Variants in PDE4D observed in about 807,000 individuals in gnomAD.
The protein encoded by PDE4D is 3',5'-cyclic-AMP phosphodiesterase 4D.
A neutral mutation model predicts 87.4 loss-of-function variants in PDE4D; 24 were observed. That is an observed-to-expected ratio of 0.27 (90% confidence interval 0.20 to 0.39). The LOEUF is 0.39. PDE4D is among the 10% of genes least tolerant of loss of function. The probability of loss-of-function intolerance (pLI) is 1.00; values close to 1 mark genes in which losing one functional copy is unlikely to be tolerated. For synonymous variants in PDE4D, 384 were observed against 383.2 expected (o/e 1.00, Z -0.02); for missense variants, 714 against 1,041.0 (o/e 0.69, Z 4.32).
At chr5:60,352,032 T>G (rs1453201236) in intron 1 of PDE4D, among the ~76,000 whole-genome samples, 1 of 151,184 alleles carries the variant, frequency 6.6e-6, no homozygotes, top group African/African-American at 2.4e-5. Flanking sequence ...TTCAAACTCC[T>G]GGCCTCAAGT....
chr5:60,401,253 T>C (rs1485444101), intron 1 of PDE4D, among the ~76,000 whole-genome samples: 1 of 152,228 alleles, frequency 6.6e-6, no homozygotes, highest in Non-Finnish European at 1.5e-5. Context: ...GCCGGCTTCA[T>C]GCTCCATACA....
rs559341018 is a variant in PDE4D at position 59,706,746 on chromosome 5, G to C, written c.455+186422C>G. ...GGTGGAGCTAGTGGTAGGGTAGAAA[G>C]AACATAAAATTGACTATAAGGAAAT... On this transcript the variant is annotated intron_variant, in intron 1 of 14. Transcript: ENST00000340635. 2.6e-5 allele frequency among the ~76,000 whole-genome samples: 4 copies of C among 152,188 alleles called. No individual in the cohort carries two copies. The South Asian group carries it at 8.3e-4, about 32-fold the overall frequency.
rs189704065 is a variant in PDE4D at position 60,500,291 on chromosome 5, G to A, written n.70+21760C>T. The stretch of plus-strand genomic sequence containing the variant: ...CCACTGCATCCCAGACTGGGTGACA[G>A]AGACCCAGTCTCAAAAAAATAAAAA... On this transcript the variant is annotated intron_variant and non_coding_transcript_variant, in intron 1 of 2. Coordinates refer to the PDE4D transcript ENST00000506510. 5.4e-3 allele frequency among the ~76,000 whole-genome samples: 816 copies of A among 152,226 alleles called. 11 individuals carry two copies. The highest frequency in any genetic ancestry group is 0.022 in the South Asian group (105 of 4,830).
intron 1 of PDE4D, among the ~76,000 whole-genome samples, chr5:60,503,493 T>C (rs1750189264): frequency 6.6e-6 from 1 of 152,196 alleles, no homozygotes. Context: ...CTACATTCCT[T>C]TGGTATTCCT....
At chr5:59,901,615 T>C (rs1047424173) in intron 3 of PDE4D, among the ~76,000 whole-genome samples, 1 of 151,636 alleles carries the variant, frequency 6.6e-6, no homozygotes, top group Admixed American at 6.6e-5. Flanking sequence ...TCAAAATACA[T>C]GAAAAGGCAC....
chr5:59,062,944 G>A (rs1763370624), intron 5 of PDE4D: 1 of 152,006 alleles, frequency 6.6e-6, no homozygotes, highest in Non-Finnish European at 1.5e-5. Context: ...GTACGTGAGT[G>A]GGAAATTCAG....
intron 1 of PDE4D, among the ~76,000 whole-genome samples, chr5:59,579,283 G>T (rs1172445139): frequency 2.0e-5 from 3 of 152,056 alleles, no homozygotes; most frequent in South Asian, 2.1e-4. Context: ...TCCAAGGCAG[G>T]ACTCTTATTA....
rs1468929000 is a variant in PDE4D at position 59,916,273 on chromosome 5, T to A, written c.272+72215A>T. On this transcript the variant is annotated intron_variant, in intron 3 of 16. Transcript: ENST00000502484. ...AAGCTCACATGTCATCAGGAAATACTAATTAGCATTTTCTATAACAACAAA... is the reference window on the plus strand; with the variant it reads ...AAGCTCACATGTCATCAGGAAATACAAATTAGCATTTTCTATAACAACAAA... 2.6e-5 allele frequency among the ~76,000 whole-genome samples: 4 copies of A among 152,366 alleles called. No homozygotes were observed. In the East Asian group the frequency reaches 7.7e-4, roughly 29 times the overall value.
intron 1 of PDE4D, among the ~76,000 whole-genome samples, chr5:59,433,030 T>G (rs1335315217): frequency 6.6e-6 from 1 of 152,130 alleles, no homozygotes; most frequent in Non-Finnish European, 1.5e-5. Context: ...AATTGTGATG[T>G]ATGACTGGGG....
chr5:59,668,821 AGAAGAAGAAGAG>A (rs1561440826), intron 1 of PDE4D, among the ~76,000 whole-genome samples: 1 of 93,942 alleles, frequency 1.1e-5, no homozygotes, highest in East Asian at 3.3e-4. Context: ...AAGAAGAAGA[AGAAGAAGAAGAG>A]GAAGAGGAAG....
chr5:59,100,950 G>C (rs766698381), intron 5 of PDE4D, among the ~76,000 whole-genome samples: 1 of 152,086 alleles, frequency 6.6e-6, no homozygotes, highest in Non-Finnish European at 1.5e-5. Context: ...CAGGTGTAGA[G>C]AGGACGGCAA....
intron 5 of PDE4D, among the ~76,000 whole-genome samples, chr5:59,168,698 G>A (rs1003992287): frequency 1.3e-5 from 2 of 152,146 alleles, no homozygotes. Context: ...GAGAGGGAGG[G>A]AAGGAGAGAG....
intron 1 of PDE4D, among the ~76,000 whole-genome samples, chr5:59,442,428 AG>A (rs1411979529): frequency 3.3e-5 from 5 of 152,192 alleles, no homozygotes; most frequent in Non-Finnish European, 5.9e-5. Flanking sequence ...TTGCAACATC[AG>A]GGTCTTTGAG....
Position 59,747,269 on chromosome 5 carries a change from T to C in PDE4D, c.455+145899A>G, listed in dbSNP as rs1415436911. Among the ~76,000 whole-genome samples the C allele has an allele frequency of 3.3e-5, 5 of 152,192 alleles. No homozygotes were observed. In the East Asian group the frequency reaches 7.7e-4, roughly 23 times the overall value. ...TCCTCCAGTGCATTGACCTTAGAAG[T>C]TGTTCTGACCCTCACCAAACTTATG... On this transcript the variant is annotated intron_variant, in intron 1 of 14. Transcript: ENST00000340635.
At chr5:60,039,245 TA>T (rs767922452) in intron 2 of PDE4D, among the ~76,000 whole-genome samples, 23 of 152,146 alleles carry the variant, frequency 1.5e-4, no homozygotes, top group South Asian at 4.1e-4. Context: ...CACCATGCAA[TA>T]CTATGCAGCC....
chr5:59,195,939 A>G (rs1012234409), intron 2 of PDE4D, among the ~76,000 whole-genome samples: 1 of 152,134 alleles, frequency 6.6e-6, no homozygotes, highest in African/African-American at 2.4e-5. Flanking sequence ...AGGTCTATAA[A>G]AGATTGAGGG....
intron 1 of PDE4D, among the ~76,000 whole-genome samples, chr5:59,502,663 A>AGTTT (rs1808505301): frequency 7.4e-6 from 1 of 135,174 alleles, no homozygotes; most frequent in African/African-American, 2.8e-5. Flanking sequence ...TCCTTAAGGT[A>AGTTT]GTGTGTGTGT....
At chr5:60,494,661 G>A (rs1749717793) in intron 1 of PDE4D, among the ~76,000 whole-genome samples, 1 of 152,098 alleles carries the variant, frequency 6.6e-6, no homozygotes, top group South Asian at 2.1e-4. Flanking sequence ...CTTTTTGTGT[G>A]CCATCCCCAG....
At chr5:59,640,142 TG>T (rs1293476548) in intron 1 of PDE4D, among the ~76,000 whole-genome samples, 1 of 152,164 alleles carries the variant, frequency 6.6e-6, no homozygotes, top group Non-Finnish European at 1.5e-5. Flanking sequence ...TATTGTTTTT[TG>T]AAAAAGATTT....
Sources: allele counts gnomAD v4.1 joint callset (sites outside exome capture counted in the v4.1 genomes callset), GRCh38; gene constraint gnomAD v4.1.1; transcripts MANE v1.5; gene names NCBI Gene and HGNC (gene_info 2026-07-23, HGNC 2026-07-21).